The following NSMAF variants were observed in gnomAD, a reference collection of about 807,000 sequenced individuals.
NSMAF encodes the protein protein FAN.
Under a neutral mutation model 134.9 loss-of-function variants are expected in NSMAF, and 90 were observed. The observed-to-expected ratio is 0.67, with a 90% CI of 0.56 to 0.79. The LOEUF (loss-of-function observed/expected upper bound fraction) is 0.79. NSMAF is among the 30% of genes least tolerant of loss of function. The pLI, the probability that NSMAF is intolerant of heterozygous loss-of-function variation, is 0.00. For missense variants in NSMAF, 1,010 were observed against 1,119.0 expected, an observed-to-expected ratio of 0.90 and a Z score of 1.39; for synonymous variants, 358 against 389.6, an observed-to-expected ratio of 0.92 and a Z score of 0.96.
chr8:58,615,408 G>A (rs756237266), intron 9 of NSMAF, among the ~76,000 whole-genome samples: 1 of 152,162 alleles, frequency 6.6e-6, no homozygotes, highest in African/African-American at 2.4e-5. Context: ...CATGTGAAAT[G>A]TTCACCAAGA....
In NSMAF at chr8:58,603,353, T is replaced by C. The variant is rs2129141432; in HGVS notation, c.902A>G (p.Tyr301Cys). The C allele has an allele frequency of 1.2e-6, 2 of 1,614,056 alleles. No individual in the cohort carries two copies. Among genetic ancestry groups the C allele is most frequent in the South Asian group, 1.1e-5 (1 of 91,078 alleles). ...HHVAEHTAESYMLQWQRGHLS... is the reference protein window; with the variant it reads ...HHVAEHTAESCMLQWQRGHLS... ...GTGTCCACGCTGCCACTGCAGCATG[T>C]AGCTCTCAGCAGTGTGCTCCGCCAC... The change falls in exon 13 of 31, where the codon TAC (tyrosine) becomes TGC (cysteine). Residue 301 changes from tyrosine to cysteine, a missense_variant. By Grantham distance (194) the Tyr-to-Cys change is radical. Transcript: ENST00000038176.
intron 25 of NSMAF, 105 bp downstream of exon 25, chr8:58,589,902 A>C (rs1585724917): frequency 1.1e-6 from 1 of 874,776 alleles, no homozygotes; most frequent in African/African-American, 1.7e-5. Context: ...TTTAGAAAAC[A>C]GTGCTGTGTC....
intron 21 of NSMAF, among the ~76,000 whole-genome samples, chr8:58,596,603 A>G (rs1050406508): frequency 2.0e-5 from 3 of 152,202 alleles, no homozygotes; most frequent in Admixed American, 6.5e-5. Flanking sequence ...AATAAGTGAA[A>G]TCCAATGAAG....
At chr8:58,644,979 A>G (rs143464800) in intron 1 of NSMAF, among the ~76,000 whole-genome samples, 4,098 of 152,134 alleles carry the variant, frequency 0.027, 202 homozygotes, top group African/African-American at 0.093. Flanking sequence ...GGGGAGCTAG[A>G]GGAGGGATAG....
chr8:58,601,987 T>A, intron 14 of NSMAF, 71 bp downstream of exon 14: 1 of 1,233,858 alleles, frequency 8.1e-7, no homozygotes. Context: ...AGAAACGAAT[T>A]TCCTTCCATA....
At chr8:58,633,343 A>G (rs867213319) in intron 5 of NSMAF, among the ~76,000 whole-genome samples, 37 of 152,280 alleles carry the variant, frequency 2.4e-4, no homozygotes, top group Middle Eastern at 6.8e-3. Flanking sequence ...CTGGAATACC[A>G]GTGTTTGTGA....
At chr8:58,642,895 G>C (rs1350414884) in intron 2 of NSMAF, 89 bp downstream of exon 2, 1 of 943,372 alleles carries the variant, frequency 1.1e-6, no homozygotes. Context: ...TTTTTCTTTA[G>C]TTAACACCTA....
At chr8:58,638,228 A>G (rs1042083705) in intron 2 of NSMAF, among the ~76,000 whole-genome samples, 1 of 152,054 alleles carries the variant, frequency 6.6e-6, no homozygotes, top group African/African-American at 2.4e-5. Context: ...TAGTTTTTTT[A>G]GAGATGGGGT....
At chr8:58,607,452 G>A (rs562999151) in intron 11 of NSMAF, among the ~76,000 whole-genome samples, 12 of 152,228 alleles carry the variant, frequency 7.9e-5, no homozygotes, top group Non-Finnish European at 1.8e-4. Flanking sequence ...TACAGCACAG[G>A]GTTGGTTTTA....
chr8:58,615,461 A>G (rs903380254), intron 9 of NSMAF, among the ~76,000 whole-genome samples: 9 of 152,222 alleles, frequency 5.9e-5, no homozygotes, highest in South Asian at 2.1e-4. Flanking sequence ...AACAAATATC[A>G]AAAGACTGAA....
intron 14 of NSMAF, 49 bp downstream of exon 14, chr8:58,602,009 C>T (rs1563528126): frequency 7.0e-7 from 1 of 1,427,244 alleles, no homozygotes; most frequent in South Asian, 1.2e-5. Context: ...AAACACAGGC[C>T]ATGGCTTCTC....
intron 1 of NSMAF, among the ~76,000 whole-genome samples, chr8:58,643,683 C>T (rs755579754): frequency 1.4e-4 from 22 of 152,228 alleles, no homozygotes; most frequent in Non-Finnish European, 2.4e-4. Context: ...AGGCATGCAC[C>T]ACCATGCCTG....
intron 8 of NSMAF, 27 bp from the exon 9 acceptor site, chr8:58,623,299 T>G (rs753552775): frequency 1.8e-6 from 2 of 1,139,252 alleles, no homozygotes; most frequent in Admixed American, 4.1e-5. Context: ...AGAAAAAAAG[T>G]ATTTATAAGT....
At chr8:58,611,254 AGAACAGT>A (rs1264978668) in intron 9 of NSMAF, among the ~76,000 whole-genome samples, 4 of 152,196 alleles carry the variant, frequency 2.6e-5, no homozygotes, top group African/African-American at 9.6e-5. Context: ...TAAAGGATCA[AGAACAGT>A]CTAGGCATGT....
intron 6 of NSMAF, among the ~76,000 whole-genome samples, chr8:58,624,427 C>G (rs909379743): frequency 2.6e-5 from 4 of 151,638 alleles, no homozygotes; most frequent in Admixed American, 6.6e-5. Context: ...GTTTATACTG[C>G]TTTTGCTGCA....
intron 5 of NSMAF, among the ~76,000 whole-genome samples, chr8:58,634,030 T>C (rs767157086): frequency 2.0e-5 from 3 of 152,234 alleles, no homozygotes; most frequent in Non-Finnish European, 4.4e-5. Context: ...AAAGTACCTC[T>C]TCCTTTCAAG....
At chr8:58,597,196 A>C (rs878972427) in intron 21 of NSMAF, among the ~76,000 whole-genome samples, 191 bp downstream of exon 21, 1 of 152,210 alleles carries the variant, frequency 6.6e-6, no homozygotes, top group Admixed American at 6.5e-5. Context: ...GATTTCCCTT[A>C]CAGTCTATAG....
intron 30 of NSMAF, among the ~76,000 whole-genome samples, chr8:58,585,424 T>TA (rs1212285809): frequency 1.3e-5 from 2 of 152,048 alleles, no homozygotes; most frequent in African/African-American, 2.4e-5. Context: ...ATATGAAAGT[T>TA]AAAGACTTCC....
At chr8:58,652,600 T>C (rs986531513) in intron 1 of NSMAF, among the ~76,000 whole-genome samples, 2 of 152,166 alleles carry the variant, frequency 1.3e-5, no homozygotes, top group Non-Finnish European at 2.9e-5. Flanking sequence ...TGGTTTCTCC[T>C]GAAGTCTGAA....
Sources: allele counts gnomAD v4.1 joint callset (sites outside exome capture counted in the v4.1 genomes callset), GRCh38; gene constraint gnomAD v4.1.1; transcripts MANE v1.5; gene names NCBI Gene and HGNC (gene_info 2026-07-23, HGNC 2026-07-21).